TTC39B: variants seen among roughly 807,000 people sequenced by gnomAD.
The protein encoded by TTC39B is tetratricopeptide repeat protein 39B.
A neutral mutation model predicts 96.6 loss-of-function variants in TTC39B; 92 were observed. The observed-to-expected ratio is 0.95, with a 90% CI of 0.80 to 1.13. The LOEUF is 1.13. Among genes scored for constraint, TTC39B ranks in the 50% most tolerant of loss-of-function variants. The pLI, the probability that TTC39B is intolerant of heterozygous loss-of-function variation, is 0.00. For synonymous variants in TTC39B, 367 were observed against 299.4 expected (o/e 1.23, Z -2.33); for missense variants, 955 against 809.3 (o/e 1.18, Z -2.18).
At chr9:15,284,167 A>C (rs1823870639) in intron 1 of TTC39B, among the ~76,000 whole-genome samples, 1 of 152,246 alleles carries the variant, frequency 6.6e-6, no homozygotes, top group Admixed American at 6.5e-5. Flanking sequence ...GAAGAAATCC[A>C]CTAGCCAATA....
chr9:15,238,527 C>G (rs1378771776), intron 2 of TTC39B, among the ~76,000 whole-genome samples: 2 of 152,110 alleles, frequency 1.3e-5, no homozygotes, highest in Non-Finnish European at 2.9e-5. Flanking sequence ...GAACTGAATC[C>G]CATTTATGTT....
chr9:15,296,518 G>A (rs1224314559), intron 1 of TTC39B, among the ~76,000 whole-genome samples: 1 of 152,100 alleles, frequency 6.6e-6, no homozygotes, highest in Non-Finnish European at 1.5e-5. Flanking sequence ...TTTTGAGAAG[G>A]AATTTCACTC....
At chr9:15,224,768 G>A (rs1821030621) in intron 3 of TTC39B, among the ~76,000 whole-genome samples, 1 of 152,100 alleles carries the variant, frequency 6.6e-6, no homozygotes, top group Non-Finnish European at 1.5e-5. Flanking sequence ...AAAATTCCAT[G>A]AGCAGGAATT....
chr9:15,174,644 C>A (rs1231491310), intron 19 of TTC39B, among the ~76,000 whole-genome samples: 1 of 152,204 alleles, frequency 6.6e-6, no homozygotes, highest in African/African-American at 2.4e-5. Flanking sequence ...ATATTACCTT[C>A]TATGACTTCT....
exon 16 of TTC39B, chr9:15,185,305 G>A (rs2118680570): frequency 6.2e-7 from 1 of 1,613,364 alleles, no homozygotes; most frequent in African/African-American, 1.3e-5. Flanking sequence ...GAGCTTCACA[G>A]GTGCAGGTAA....
At chr9:15,251,270 A>G (rs1822525672) in intron 2 of TTC39B, among the ~76,000 whole-genome samples, 1 of 152,152 alleles carries the variant, frequency 6.6e-6, no homozygotes, top group Admixed American at 6.5e-5. Context: ...CCTTGGAAAG[A>G]GCTAAAAAAC....
intron 3 of TTC39B, among the ~76,000 whole-genome samples, chr9:15,224,913 C>G (rs1821038030): frequency 6.6e-6 from 1 of 152,152 alleles, no homozygotes; most frequent in South Asian, 2.1e-4. Flanking sequence ...CTACCAAACC[C>G]ATGAGTATAA....
intron 17 of TTC39B, among the ~76,000 whole-genome samples, chr9:15,178,547 C>T (rs1397791444): frequency 6.6e-6 from 1 of 152,180 alleles, no homozygotes; most frequent in Non-Finnish European, 1.5e-5. Flanking sequence ...TGCACTGCAG[C>T]CTGGGTGAAA....
At chr9:15,235,374 C>A (rs999698574) in intron 2 of TTC39B, among the ~76,000 whole-genome samples, 4 of 152,124 alleles carry the variant, frequency 2.6e-5, no homozygotes, top group Non-Finnish European at 5.9e-5. Flanking sequence ...AAAAAGTAAG[C>A]AACCTGGAAA....
chr9:15,218,593 ATATGT>A (rs140115183), intron 3 of TTC39B, among the ~76,000 whole-genome samples: 45,325 of 149,960 alleles, frequency 0.3, 7,110 homozygotes, highest in African/African-American at 0.4. Flanking sequence ...AATTTAAAAG[ATATGT>A]TAAGTTAAGG....
chr9:15,257,517 C>T (rs1422933195), intron 2 of TTC39B, among the ~76,000 whole-genome samples: 1 of 152,026 alleles, frequency 6.6e-6, no homozygotes, highest in Admixed American at 6.5e-5. Context: ...GGCACCATCA[C>T]AGCTCAACAC....
intron 2 of TTC39B, among the ~76,000 whole-genome samples, chr9:15,257,346 A>G (rs1044178798): frequency 2.0e-5 from 3 of 152,198 alleles, no homozygotes; most frequent in Non-Finnish European, 4.4e-5. Context: ...TATGGATGAA[A>G]TAAGATTGGC....
intron 6 of TTC39B, among the ~76,000 whole-genome samples, chr9:15,209,358 G>A (rs1316767566): frequency 6.6e-6 from 1 of 151,996 alleles, no homozygotes; most frequent in African/African-American, 2.4e-5. Context: ...AGCCATTCCT[G>A]GATTCTTGAA....
At chr9:15,185,199 T>A (rs1588857015) in intron 16 of TTC39B, 81 bp downstream of exon 16, 1 of 1,496,182 alleles carries the variant, frequency 6.7e-7, no homozygotes, top group Non-Finnish European at 8.9e-7. Flanking sequence ...CTAAACTTCA[T>A]AACCAAATTT....
chr9:15,280,180 G>A (rs1823706310), intron 1 of TTC39B, among the ~76,000 whole-genome samples: 1 of 152,100 alleles, frequency 6.6e-6, no homozygotes, highest in East Asian at 1.9e-4. Context: ...TTACAGGTGT[G>A]AGCCACCGTG....
At chr9:15,196,786 T>A (rs568222384) in intron 8 of TTC39B, among the ~76,000 whole-genome samples, 1 of 152,192 alleles carries the variant, frequency 6.6e-6, no homozygotes, top group Non-Finnish European at 1.5e-5. Context: ...CTGAAAGAAG[T>A]TCTCCTGTGG....
intron 8 of TTC39B, 96 bp downstream of exon 8, chr9:15,199,765 A>AAAAAAAAAAC: frequency 2.4e-6 from 1 of 414,220 alleles, no homozygotes; most frequent in Non-Finnish European, 4.4e-6. Flanking sequence ...AAAAAAAAAA[A>AAAAAAAAAAC]AAATCCTAGT....
intron 3 of TTC39B, among the ~76,000 whole-genome samples, chr9:15,223,216 G>A (rs1012127502): frequency 6.6e-6 from 1 of 152,140 alleles, no homozygotes; most frequent in African/African-American, 2.4e-5. Context: ...TTCTCTCTTG[G>A]CTCTTTCAAG....
Position 15,306,344 on chromosome 9 carries a change from C to T in TTC39B, c.240+740G>A, listed in dbSNP as rs1332839134. The stretch of plus-strand genomic sequence containing the variant: ...CCTGGGTGCTCAGGCCCGGGCGCGC[C>T]ACGACTGAAGGAGTGGCTAATTACT... On this transcript the variant is annotated intron_variant, in intron 1 of 19. Transcript: ENST00000512701. The surrounding 1 kb of genome is among the most constrained non-coding windows in gnomAD (Gnocchi z 5.1). Among the ~76,000 whole-genome samples the T allele has an allele frequency of 6.6e-6, 1 of 152,216 alleles. No individual in the cohort carries two copies. Among genetic ancestry groups the T allele is most frequent in the East Asian group, 1.9e-4 (1 of 5,184 alleles).
Sources: gnomAD v4.1 joint callset for allele counts (sites outside exome capture counted in the v4.1 genomes callset) on GRCh38, gnomAD v4.1.1 for gene constraint, Gnocchi (gnomAD v3.1) non-coding constraint, MANE v1.5 for transcripts, NCBI Gene and HGNC (gene_info 2026-07-23, HGNC 2026-07-21) for gene names.